CSGALNACT2: variants seen among roughly 807,000 people sequenced by gnomAD.
CSGALNACT2 encodes the protein beta 4 GalNAcT-2.
A neutral mutation model predicts 55.3 loss-of-function variants in CSGALNACT2; 35 were observed. That is an observed-to-expected ratio of 0.63 (90% confidence interval 0.48 to 0.84). The LOEUF is 0.84. Among genes scored for constraint, CSGALNACT2 ranks in the 40% least tolerant of loss-of-function variants. CSGALNACT2 has a pLI of 0.00. For missense variants in CSGALNACT2, 544 were observed against 657.5 expected, an observed-to-expected ratio of 0.83 and a Z score of 1.89; for synonymous variants, 196 against 224.9, an observed-to-expected ratio of 0.87 and a Z score of 1.15.
chr10:43,159,631 A>AT lies in CSGALNACT2; in HGVS notation c.878+701dup, dbSNP rs531415100. The stretch of plus-strand genomic sequence containing the variant: ...TTTTTTAATTGAAATACATTTAGAC[A>AT]TACAAACATTAAACTAAAAATTGGA... On this transcript the variant is annotated intron_variant, in intron 3 of 7. Transcript: ENST00000374466. Among the ~76,000 whole-genome samples the AT allele has an allele frequency of 7.8e-3, 1,184 of 152,368 alleles. 22 individuals carry two copies. The highest frequency in any genetic ancestry group is 0.027 in the African/African-American group (1,131 of 41,584).
At chr10:43,153,998 A>G (rs990110675) in intron 1 of CSGALNACT2, among the ~76,000 whole-genome samples, 14 of 152,240 alleles carry the variant, frequency 9.2e-5, no homozygotes, top group Non-Finnish European at 4.4e-5. Flanking sequence ...ACTGGAGGAC[A>G]TTGGATATAA....
chr10:43,147,847 T>C (rs1838794007), intron 1 of CSGALNACT2, among the ~76,000 whole-genome samples: 1 of 150,170 alleles, frequency 6.7e-6, no homozygotes, highest in African/African-American at 2.4e-5. Flanking sequence ...TGTTCTCTAA[T>C]TGTATGGGTT....
At chr10:43,168,836 T>C (rs1303304382) in intron 6 of CSGALNACT2, among the ~76,000 whole-genome samples, 1 of 152,196 alleles carries the variant, frequency 6.6e-6, no homozygotes, top group African/African-American at 2.4e-5. Context: ...ACATTAGTAC[T>C]GGAAAATGAG....
At chr10:43,162,511 C>T in intron 4 of CSGALNACT2, 5 of 985,356 alleles carry the variant, frequency 5.1e-6, no homozygotes, top group Non-Finnish European at 4.8e-6. Flanking sequence ...GGGCAGTTTT[C>T]CCCCAACAGA....
Position 43,158,703 on chromosome 10 carries a change from T to C in CSGALNACT2, c.662-12T>C, listed in dbSNP as rs777303384. ...ACATGGAGACGTCTTTGTTCCTAAC[T>C]CTTTCCTTTAGGTTATTATCGCACT... is the stretch of plus-strand genomic sequence containing the variant. On this transcript the variant is annotated splice_polypyrimidine_tract_variant and intron_variant, in intron 2 of 7. Transcript: ENST00000374466. 2.0e-6 allele frequency: 3 copies of C among 1,511,654 alleles called. No individual in the cohort carries two copies. The allele number at this position is 1,511,654 out of a possible 1,614,324, so 93.6% of individuals were successfully genotyped here. A position where few individuals can be genotyped will look rare whatever the true frequency, so the allele number is the denominator to read the frequency against.
intron 1 of CSGALNACT2, among the ~76,000 whole-genome samples, chr10:43,153,425 G>A (rs550539627): frequency 4.6e-4 from 69 of 151,148 alleles, no homozygotes; most frequent in Non-Finnish European, 8.4e-4. Flanking sequence ...ACTAAGGAGA[G>A]TTAAGACCAT....
chr10:43,176,668 C>T lies in CSGALNACT2; in HGVS notation c.1336+636C>T, dbSNP rs75731618. 8.4e-3 allele frequency among the ~76,000 whole-genome samples: 1,283 copies of T among 152,316 alleles called. 54 individuals are homozygous for T. In the East Asian group the frequency reaches 0.096, roughly 11 times the overall value. ...GCAGCCTCTGCCTCCCAGGCTCAAG[C>T]GATCCTCCTACCTCAATCCCCAAGT... On this transcript the variant is annotated intron_variant, in intron 7 of 7. Transcript: ENST00000374466.
chr10:43,158,969 T>TA (rs746640198), intron 3 of CSGALNACT2, 38 bp downstream of exon 3: 289 of 1,244,884 alleles, frequency 2.3e-4, no homozygotes, highest in East Asian at 3.5e-4. Flanking sequence ...TACATTCTCC[T>TA]AAAAAAAATC....
intron 4 of CSGALNACT2, chr10:43,162,744 G>A: frequency 1.0e-6 from 1 of 954,608 alleles, no homozygotes; most frequent in Non-Finnish European, 1.2e-6. Context: ...GAGGACTTGT[G>A]AAAATGTAGA....
At chr10:43,154,685 C>T (rs1415587509) in intron 1 of CSGALNACT2, among the ~76,000 whole-genome samples, 1 of 151,890 alleles carries the variant, frequency 6.6e-6, no homozygotes, top group East Asian at 1.9e-4. Context: ...CAAGATTGTG[C>T]CACTGCATTC....
chr10:43,160,087 C>A (rs12761017), intron 3 of CSGALNACT2, among the ~76,000 whole-genome samples: 1 of 152,150 alleles, frequency 6.6e-6, no homozygotes, highest in Non-Finnish European at 1.5e-5. Flanking sequence ...TCAGTCATGG[C>A]AAATATTTAT....
chr10:43,177,334 C>T (rs1177013883), intron 7 of CSGALNACT2, among the ~76,000 whole-genome samples: 1 of 151,974 alleles, frequency 6.6e-6, no homozygotes, highest in African/African-American at 2.4e-5. Flanking sequence ...GTACGGTTAA[C>T]CAGGTCATGT....
chr10:43,146,151 C>T (rs1564509137), intron 1 of CSGALNACT2, among the ~76,000 whole-genome samples: 1 of 152,184 alleles, frequency 6.6e-6, no homozygotes, highest in Non-Finnish European at 1.5e-5. Context: ...GATAGGTCAT[C>T]AGCAAGTTGA....
chr10:43,175,927 T>C, intron 6 of CSGALNACT2, 24 bp from the exon 7 acceptor site: 2 of 1,492,734 alleles, frequency 1.3e-6, no homozygotes, highest in African/African-American at 2.3e-5. Context: ...TAAATTGTTT[T>C]CTGTTTTTTT....
intron 1 of CSGALNACT2, among the ~76,000 whole-genome samples, chr10:43,145,104 G>T (rs1838715959): frequency 6.6e-6 from 1 of 152,188 alleles, no homozygotes; most frequent in South Asian, 2.1e-4. Flanking sequence ...AAGCTGCTAT[G>T]AACATTTGTG....
At chr10:43,138,695 G>C (rs1225712844) in intron 1 of CSGALNACT2, 128 bp downstream of exon 1, 1 of 152,158 alleles carries the variant, frequency 6.6e-6, no homozygotes, top group Admixed American at 6.5e-5. Flanking sequence ...CGGTCCTGCG[G>C]GGGGCCCTGT....
intron 4 of CSGALNACT2, chr10:43,162,996 A>AT: frequency 1.4e-5 from 14 of 985,312 alleles, no homozygotes; most frequent in Non-Finnish European, 1.7e-5. Flanking sequence ...CCATTTTAAG[A>AT]TTCCGTTGAC....
At chr10:43,160,680 T>G in intron 4 of CSGALNACT2, 85 bp downstream of exon 4, 1 of 702,790 alleles carries the variant, frequency 1.4e-6, no homozygotes, top group Non-Finnish European at 2.5e-6. Context: ...TTAATAATTT[T>G]TAGTAACTAT....
chr10:43,146,814 G>A (rs1838759001), intron 1 of CSGALNACT2, among the ~76,000 whole-genome samples: 1 of 151,658 alleles, frequency 6.6e-6, no homozygotes, highest in Admixed American at 6.6e-5. Flanking sequence ...CCCATCAGCA[G>A]TGTATGAAAG....
Sources: allele counts gnomAD v4.1 joint callset (sites outside exome capture counted in the v4.1 genomes callset), GRCh38; gene constraint gnomAD v4.1.1; transcripts MANE v1.5; gene names NCBI Gene and HGNC (gene_info 2026-07-23, HGNC 2026-07-21).